The following GNAZ variants were observed in gnomAD, a reference collection of about 807,000 sequenced individuals.
GNAZ encodes G protein subunit alpha z.
A neutral mutation model predicts 25.4 loss-of-function variants in GNAZ; 3 were observed. The ratio of observed to expected loss-of-function variants is 0.12; its 90% CI spans 0.05 to 0.30. The LOEUF (loss-of-function observed/expected upper bound fraction) is 0.30, where lower values mean the gene tolerates loss of function less well. Among genes scored for constraint, GNAZ ranks in the 10% least tolerant of loss-of-function variants. The pLI, the probability that GNAZ is intolerant of heterozygous loss-of-function variation, is 1.00. For synonymous variants in GNAZ, 211 were observed against 205.7 expected (o/e 1.03, Z -0.22); for missense variants, 241 against 501.8 (o/e 0.48, Z 4.97).
At chr22:23,112,252 GC>G (rs2146365821) in intron 2 of GNAZ, among the ~76,000 whole-genome samples, 1 of 152,338 alleles carries the variant, frequency 6.6e-6, no homozygotes, top group African/African-American at 2.4e-5. Flanking sequence ...AGCTGCCACA[GC>G]CCCAGGCCCT....
At chr22:23,075,644 A>G (rs1235619095) in intron 1 of GNAZ, among the ~76,000 whole-genome samples, 1 of 152,214 alleles carries the variant, frequency 6.6e-6, no homozygotes, top group Non-Finnish European at 1.5e-5. Flanking sequence ...TAAAAGCCAC[A>G]GTGCAGGGAG....
At chr22:23,083,269 A>G (rs2068729348) in intron 1 of GNAZ, among the ~76,000 whole-genome samples, 1 of 151,978 alleles carries the variant, frequency 6.6e-6, no homozygotes, top group South Asian at 2.1e-4. Context: ...GGGTAGACCC[A>G]GGCAGAGGGG....
At chr22:23,072,653 C>T (rs971795549) in intron 1 of GNAZ, among the ~76,000 whole-genome samples, 6 of 152,346 alleles carry the variant, frequency 3.9e-5, no homozygotes, top group African/African-American at 7.2e-5. Context: ...GGCCTGCCCT[C>T]GTGGGGTGTG....
intron 2 of GNAZ, among the ~76,000 whole-genome samples, chr22:23,112,937 C>T (rs949867809): frequency 6.6e-6 from 1 of 152,204 alleles, no homozygotes. Flanking sequence ...GAATACCAGC[C>T]AAGAGACCAG....
chr22:23,095,069 T>C (rs1240645392), intron 1 of GNAZ, among the ~76,000 whole-genome samples, 178 bp from the exon 2 acceptor site: 3 of 152,218 alleles, frequency 2.0e-5, no homozygotes, highest in Non-Finnish European at 4.4e-5. Flanking sequence ...ACATATGTGT[T>C]ACACCATGGT....
chr22:23,074,316 G>A (rs960246598), intron 1 of GNAZ, among the ~76,000 whole-genome samples: 1 of 152,194 alleles, frequency 6.6e-6, no homozygotes, highest in Non-Finnish European at 1.5e-5. Context: ...CCAGGGGTGG[G>A]AGCTCTGGAG....
At chr22:23,087,263 C>CA (rs776454225) in intron 1 of GNAZ, among the ~76,000 whole-genome samples, 25 of 151,992 alleles carry the variant, frequency 1.6e-4, no homozygotes, top group Non-Finnish European at 3.5e-4. Context: ...CCCAGGAGTT[C>CA]GAGACCAGTC....
intron 1 of GNAZ, among the ~76,000 whole-genome samples, chr22:23,089,834 C>G (rs2068916716): frequency 6.6e-6 from 1 of 152,100 alleles, no homozygotes; most frequent in South Asian, 2.1e-4. Flanking sequence ...GTAGGTGAGT[C>G]AAGGACCAGG....
chr22:23,117,889 A>C (rs1398575343), intron 2 of GNAZ, among the ~76,000 whole-genome samples: 1 of 152,140 alleles, frequency 6.6e-6, no homozygotes, highest in East Asian at 1.9e-4. Flanking sequence ...CACCACCCCC[A>C]CAACTAACCA....
chr22:23,114,950 A>T (rs922511685), intron 2 of GNAZ, among the ~76,000 whole-genome samples: 2 of 152,152 alleles, frequency 1.3e-5, no homozygotes, highest in Non-Finnish European at 2.9e-5. Context: ...GGCATCTCAG[A>T]AGCTGGCAGG....
chr22:23,095,313 C>G lies in GNAZ; in HGVS notation c.-383C>G, dbSNP rs995069357. ...TGCAGGGAGCACACCAGCGACCGGC[C>G]CTCCAACCCTCCAGCCACTCAGCAA... On this transcript the variant is annotated 5_prime_UTR_variant, in exon 2 of 3. Transcript: ENST00000615612. 4.1e-6 allele frequency: 1 copy of G among 244,808 alleles called. No homozygotes were observed. Among genetic ancestry groups the G allele is most frequent in the Non-Finnish European group, 8.0e-6 (1 of 124,538 alleles). The allele number at this position is 244,808 out of a possible 1,614,324, so 15.2% of individuals were successfully genotyped here.
intron 1 of GNAZ, among the ~76,000 whole-genome samples, chr22:23,072,449 G>A (rs1164317321): frequency 6.6e-6 from 1 of 152,214 alleles, no homozygotes; most frequent in African/African-American, 2.4e-5. Context: ...GAGACAGGAG[G>A]TGAATAAGAC....
At chr22:23,105,652 G>T (rs963556955) in intron 2 of GNAZ, among the ~76,000 whole-genome samples, 1 of 152,220 alleles carries the variant, frequency 6.6e-6, no homozygotes, top group African/African-American at 2.4e-5. Flanking sequence ...TGCTTTCTTC[G>T]CATGGTGATG....
Position 23,071,487 on chromosome 22 carries a change from T to C in GNAZ, c.-450+917T>C, listed in dbSNP as rs2068374320. ...GACAGCTGAGCCCCTGACCGGCTCC[T>C]TTCTGCCCAAGTGATTTCCCTGCCC... is the stretch of plus-strand genomic sequence containing the variant. On this transcript the variant is annotated intron_variant, in intron 1 of 2. Coordinates refer to ENST00000615612, the MANE Select transcript of GNAZ (RefSeq NM_002073.4). The surrounding 1 kb of genome is among the most constrained non-coding windows in gnomAD (Gnocchi z 4.1). Among the ~76,000 whole-genome samples the C allele has an allele frequency of 6.6e-6, 1 of 152,228 alleles. No homozygotes were observed. Among genetic ancestry groups the C allele is most frequent in the Non-Finnish European group, 1.5e-5 (1 of 68,024 alleles).
At chr22:23,114,500 G>A (rs915208672) in intron 2 of GNAZ, among the ~76,000 whole-genome samples, 15 of 151,710 alleles carry the variant, frequency 9.9e-5, no homozygotes, top group African/African-American at 3.2e-4. Context: ...CAGTCAAAAC[G>A]TCCTGCTCTT....
At chr22:23,085,458 C>G (rs1317235284) in intron 1 of GNAZ, among the ~76,000 whole-genome samples, 1 of 152,142 alleles carries the variant, frequency 6.6e-6, no homozygotes, top group Non-Finnish European at 1.5e-5. Context: ...CCATACAGAT[C>G]TGAGGGTGGA....
intron 1 of GNAZ, among the ~76,000 whole-genome samples, chr22:23,076,752 C>T (rs1257156415): frequency 6.6e-6 from 1 of 152,160 alleles, no homozygotes; most frequent in Non-Finnish European, 1.5e-5. Flanking sequence ...GAGCCAAGAC[C>T]CTGAAGGTAG....
At chr22:23,073,426 T>C (rs569902213) in intron 1 of GNAZ, among the ~76,000 whole-genome samples, 161 of 152,150 alleles carry the variant, frequency 1.1e-3, no homozygotes, top group African/African-American at 3.7e-3. Flanking sequence ...CTGTTGTGGC[T>C]CCGGGGTGGT....
At chr22:23,100,543 A>G (rs1412390132) in intron 2 of GNAZ, among the ~76,000 whole-genome samples, 4 of 152,328 alleles carry the variant, frequency 2.6e-5, no homozygotes, top group East Asian at 3.9e-4. Flanking sequence ...CAGGTGGTCT[A>G]TGCCTGGCCC....
Sources: allele counts gnomAD v4.1 joint callset (sites outside exome capture counted in the v4.1 genomes callset), GRCh38; gene constraint gnomAD v4.1.1; non-coding constraint Gnocchi (gnomAD v3.1); transcripts MANE v1.5; gene names NCBI Gene and HGNC (gene_info 2026-07-23, HGNC 2026-07-21).